The following NTM variants were observed in gnomAD, a reference collection of about 807,000 sequenced individuals.
NTM encodes the protein IgLON family member 2.
Under a neutral mutation model 42.1 loss-of-function variants are expected in NTM, and 13 were observed. The ratio of observed to expected loss-of-function variants is 0.31; its 90% confidence interval spans 0.20 to 0.49. The LOEUF (loss-of-function observed/expected upper bound fraction) is 0.49. Among genes scored for constraint, NTM ranks in the 20% least tolerant of loss-of-function variants. NTM has a pLI of 0.99. For synonymous variants in NTM, 187 were observed against 179.2 expected, an observed-to-expected ratio of 1.04 and a Z score of -0.35; for missense variants, 373 against 452.8, an observed-to-expected ratio of 0.82 and a Z score of 1.60.
chr11:132,138,250 G>A (rs1426966809), intron 2 of NTM, among the ~76,000 whole-genome samples: 1 of 152,128 alleles, frequency 6.6e-6, no homozygotes, highest in African/African-American at 2.4e-5. Flanking sequence ...GATAAAGCAT[G>A]GACATCCTGC....
At chr11:131,789,645 G>GAAGAAGAA (rs1565553215) in intron 1 of NTM, among the ~76,000 whole-genome samples, 2 of 128,244 alleles carry the variant, frequency 1.6e-5, no homozygotes, top group Admixed American at 2.1e-4. Flanking sequence ...AAAAGAAGAA[G>GAAGAAGAA]AAGAAGAAGA....
Position 132,003,148 on chromosome 11 carries a change from G to A in NTM, c.167+91500G>A, listed in dbSNP as rs115506353. 0.015 allele frequency among the ~76,000 whole-genome samples: 2,298 copies of A among 152,076 alleles called. 42 individuals are homozygous for A. The highest frequency in any genetic ancestry group is 0.053 in the African/African-American group (2,194 of 41,436). On this transcript the variant is annotated intron_variant, in intron 2 of 8. Transcript: ENST00000683400. This position sits in a 1 kb window ranked among gnomAD's most constrained non-coding sequence, Gnocchi z 6.0. Reference sequence around the variant, plus strand: ...TATTTCCTCCTTCACCCTAATGCTAGCCCGGTTCTGAGCCAGAGTTATTTC... The same window carrying A: ...TATTTCCTCCTTCACCCTAATGCTAACCCGGTTCTGAGCCAGAGTTATTTC...
At chr11:132,126,151 C>A (rs553707708) in intron 2 of NTM, among the ~76,000 whole-genome samples, 1 of 152,202 alleles carries the variant, frequency 6.6e-6, no homozygotes, top group South Asian at 2.1e-4. Flanking sequence ...CAGCTCCGAG[C>A]CAGAGGATCC....
intron 2 of NTM, among the ~76,000 whole-genome samples, chr11:131,922,677 TG>T (rs1448881926): frequency 1.3e-5 from 2 of 152,214 alleles, no homozygotes; most frequent in Non-Finnish European, 2.9e-5. Context: ...GCTCTTCTGG[TG>T]GCATCTTGCC....
intron 3 of NTM, among the ~76,000 whole-genome samples, chr11:132,178,085 A>G (rs1320715514): frequency 6.6e-6 from 1 of 152,198 alleles, no homozygotes; most frequent in Non-Finnish European, 1.5e-5. Flanking sequence ...ATTGATGCCC[A>G]AATTAAAAAT....
intron 1 of NTM, among the ~76,000 whole-genome samples, chr11:131,730,715 C>A: frequency 1.9e-5 from 2 of 107,538 alleles, no homozygotes; most frequent in Admixed American, 8.7e-5. Flanking sequence ...TAGACCCTAT[C>A]TGTTAAAAGA....
chr11:132,305,918 C>G (rs1443976503), intron 4 of NTM, among the ~76,000 whole-genome samples: 1 of 152,114 alleles, frequency 6.6e-6, no homozygotes, highest in Non-Finnish European at 1.5e-5. Flanking sequence ...CCTTCTTTGT[C>G]TTGTGAATTT....
intron 2 of NTM, among the ~76,000 whole-genome samples, chr11:131,973,434 T>C (rs1347221047): frequency 6.6e-6 from 1 of 152,242 alleles, no homozygotes; most frequent in Non-Finnish European, 1.5e-5. Context: ...GTGCTTCTCA[T>C]GTGAAGCATC....
chr11:131,461,100 G>A (rs374494922), intron 1 of NTM, among the ~76,000 whole-genome samples: 3 of 152,190 alleles, frequency 2.0e-5, no homozygotes, highest in African/African-American at 7.2e-5. Flanking sequence ...GAAGATGAGG[G>A]TATCGGTTGC....
rs116876154 is a variant in NTM, at chr11:132,318,646, C to T, written c.934+3943C>T. ...AGCAAGCAGTGGAATAAAATGGGTG[C>T]CGCGTGCACTGCTGTCACCCTGAGG... On this transcript the variant is annotated intron_variant, in intron 7 of 8. Coordinates refer to ENST00000683400, the MANE Select transcript of NTM (RefSeq NM_001352005.2). 4.7e-3 allele frequency among the ~76,000 whole-genome samples: 710 copies of T among 152,300 alleles called. 2 individuals are homozygous for T. Among genetic ancestry groups the T allele is most frequent in the Admixed American group, 9.7e-3 (148 of 15,304 alleles).
At chr11:131,803,118 T>A (rs1328636587) in intron 1 of NTM, among the ~76,000 whole-genome samples, 3 of 151,464 alleles carry the variant, frequency 2.0e-5, no homozygotes, top group East Asian at 3.9e-4. Context: ...TTTCCCCCTA[T>A]GGCAGGAGGT....
chr11:131,707,853 G>A (rs1027555643), intron 1 of NTM, among the ~76,000 whole-genome samples: 1 of 152,104 alleles, frequency 6.6e-6, no homozygotes, highest in Non-Finnish European at 1.5e-5. Flanking sequence ...CTCTAAGGTC[G>A]TGAATAAGAC....
At chr11:131,721,386 C>T (rs1297668584) in intron 1 of NTM, among the ~76,000 whole-genome samples, 2 of 152,134 alleles carry the variant, frequency 1.3e-5, no homozygotes, top group African/African-American at 4.8e-5. Context: ...CATTCAGAGT[C>T]TCAGTTTTTT....
intron 1 of NTM, among the ~76,000 whole-genome samples, chr11:131,674,200 G>A (rs1592484774): frequency 6.6e-6 from 1 of 152,244 alleles, no homozygotes; most frequent in East Asian, 1.9e-4. Context: ...CAGAGAAGCA[G>A]ACGTGCTGCA....
At chr11:131,824,028 CG>C in intron 1 of NTM, among the ~76,000 whole-genome samples, 1 of 152,014 alleles carries the variant, frequency 6.6e-6, no homozygotes, top group African/African-American at 2.4e-5. Context: ...CTAAGGGAGG[CG>C]GGAGGATAAG....
At chr11:132,215,874 A>G (rs577146679) in intron 4 of NTM, among the ~76,000 whole-genome samples, 2 of 152,290 alleles carry the variant, frequency 1.3e-5, no homozygotes, top group East Asian at 3.9e-4. Flanking sequence ...CACTCCTCTC[A>G]CTAGCAGGAG....
chr11:131,374,355 C>G (rs1409050860), intron 1 of NTM, among the ~76,000 whole-genome samples: 1 of 152,196 alleles, frequency 6.6e-6, no homozygotes, highest in Non-Finnish European at 1.5e-5. Context: ...TCTGCCCTGG[C>G]CGGCAGGTCT....
intron 4 of NTM, among the ~76,000 whole-genome samples, chr11:132,241,287 C>CAAATTTATA: frequency 6.6e-6 from 1 of 152,126 alleles, no homozygotes; most frequent in African/African-American, 2.4e-5. Flanking sequence ...TCATATATAA[C>CAAATTTATA]AAATTTATAT....
intron 1 of NTM, among the ~76,000 whole-genome samples, chr11:131,612,788 C>G (rs2061566697): frequency 6.6e-6 from 1 of 152,178 alleles, no homozygotes; most frequent in Non-Finnish European, 1.5e-5. Flanking sequence ...CTGCAGGGCC[C>G]CACTAAGAGC....
Sources: allele counts gnomAD v4.1 joint callset (sites outside exome capture counted in the v4.1 genomes callset), GRCh38; gene constraint gnomAD v4.1.1; non-coding constraint Gnocchi (gnomAD v3.1); transcripts MANE v1.5; gene names NCBI Gene and HGNC (gene_info 2026-07-23, HGNC 2026-07-21).